Variants in H2AC16 observed in about 807,000 individuals in gnomAD.
H2AC16 encodes H2A clustered histone 16.
Under a neutral mutation model 6.6 loss-of-function variants are expected in H2AC16, and 11 were observed. The ratio of observed to expected loss-of-function variants is 1.67; its 90% CI spans 1.05 to 2.77. The LOEUF is 2.77. Among genes scored for constraint, H2AC16 ranks in the 30% most tolerant of loss-of-function variants. H2AC16 has a pLI of 0.00. For synonymous variants in H2AC16, 131 were observed against 80.8 expected, an observed-to-expected ratio of 1.62 and a Z score of -3.33; for missense variants, 212 against 177.1, an observed-to-expected ratio of 1.20 and a Z score of -1.12.
rs766042861 is a variant in H2AC16 at position 27,865,791 on chromosome 6, G to A, written c.*44G>A. On this transcript the variant is annotated 3_prime_UTR_variant, in exon 1 of 1. Transcript: ENST00000613174. ...TTCCAATACAACGGCTCTTTTCAGA[G>A]CCACCTACTATTTCTGCGGGAGAGC... is the stretch of plus-strand genomic sequence containing the variant. 12 of 1,595,408 alleles carry A rather than the reference G, an allele frequency of 7.5e-6. No individual in the cohort carries two copies. The highest frequency in any genetic ancestry group is 5.2e-5 in the Admixed American group (3 of 58,226).
In H2AC16 at chr6:27,865,362, G is replaced by C. The variant is rs1761473026; in HGVS notation, c.8G>C (p.Gly3Ala). 1.2e-6 allele frequency: 2 copies of C among 1,605,596 alleles called. No individual in the cohort carries two copies. The highest frequency in any genetic ancestry group is 1.7e-6 in the Non-Finnish European group (2 of 1,174,340). The change falls in exon 1 of 1, where the codon GGA (glycine) becomes GCA (alanine). Residue 3 changes from glycine to alanine, a missense_variant. Coordinates refer to ENST00000613174, the MANE Select transcript of H2AC16 (RefSeq NM_003511.3). The stretch of plus-strand genomic sequence containing the variant: ...ATTTATCGTTTCTTCGTCATGTCGG[G>C]ACGCGGCAAGCAGGGAGGCAAAGCT... MS[G>A]RGKQGGKARA... is the part of the protein sequence containing the mutation.
At position 27,865,710 on chromosome 6, in the gene H2AC16, A is replaced by G. The variant is rs1761487282; in HGVS notation, c.356A>G (p.Lys119Arg). ...LPNIQAVLLP[K>R]KTESHHKAKG... ...AACATCCAGGCTGTGCTACTGCCCA[A>G]GAAGACCGAGAGTCACCACAAGGCC... The change falls in exon 1 of 1, where the codon AAG becomes AGG. Residue 119 changes from lysine (K) to arginine (R), a missense_variant. Physicochemically the swap from Lys to Arg is conservative, Grantham distance 26. Transcript: ENST00000613174. 1 of 1,614,228 alleles carries G rather than the reference A, an allele frequency of 6.2e-7. No individual in the cohort carries two copies. Among genetic ancestry groups the G allele is most frequent in the Non-Finnish European group, 8.5e-7 (1 of 1,180,026 alleles).
Position 27,865,492 on chromosome 6 carries a change from C to G in H2AC16, c.138C>G (p.Ala46=), listed in dbSNP as rs561805457. ...RKGNYAERVG[A]GAPVYLAAVL... is the part of the protein sequence containing the mutation. Reference sequence around the variant, plus strand: ...GCAACTATGCTGAGCGGGTCGGGGCCGGCGCGCCGGTGTACCTGGCGGCGG... The same window carrying G: ...GCAACTATGCTGAGCGGGTCGGGGCGGGCGCGCCGGTGTACCTGGCGGCGG... The change falls in exon 1 of 1, where the codon GCC becomes GCG. Residue 46 remains alanine (A), a synonymous_variant. Coordinates refer to ENST00000613174, the MANE Select transcript of H2AC16 (RefSeq NM_003511.3). 5 of 1,613,866 alleles carry G rather than the reference C, an allele frequency of 3.1e-6. No homozygotes were observed. Among genetic ancestry groups the G allele is most frequent in the African/African-American group, 1.3e-5 (1 of 74,916 alleles).
chr6:27,865,617 T>C lies in H2AC16; in HGVS notation c.263T>C (p.Ile88Thr). Reference sequence around the variant, plus strand: ...ATCCCGCGCCACTTGCAGCTGGCCATCCGCAACGACGAGGAGCTCAACAAG... The same window carrying C: ...ATCCCGCGCCACTTGCAGCTGGCCACCCGCAACGACGAGGAGCTCAACAAG... ...RIIPRHLQLA[I>T]RNDEELNKLL... The change falls in exon 1 of 1, where the codon ATC (isoleucine) becomes ACC (threonine). Residue 88 changes from isoleucine (I) to threonine (T), a missense_variant. Ile to Thr is a moderately conservative substitution (Grantham distance 89). Transcript: ENST00000613174. 1 of 1,614,172 alleles carries C rather than the reference T, an allele frequency of 6.2e-7. No homozygotes were observed. The highest frequency in any genetic ancestry group is 8.5e-7 in the Non-Finnish European group (1 of 1,180,022).
rs1170432544 is a variant in H2AC16, at chr6:27,865,481, C to T, written c.127C>T (p.Arg43Trp). ...RLLRKGNYAE[R>W]VGAGAPVYLA... ...GCTCCGCAAGGGCAACTATGCTGAG[C>T]GGGTCGGGGCCGGCGCGCCGGTGTA... Residue 43 changes from arginine (R) to tryptophan (W), a missense_variant, in exon 1 of 1, where the codon CGG becomes TGG. Transcript: ENST00000613174. 2 of 1,613,858 alleles carry T rather than the reference C, an allele frequency of 1.2e-6. No homozygotes were observed. Among genetic ancestry groups the T allele is most frequent in the Non-Finnish European group, 1.7e-6 (2 of 1,179,928 alleles).
Position 27,865,390 on chromosome 6 carries a change from C to A in H2AC16, c.36C>A (p.Arg12=), listed in dbSNP as rs752919454. The change falls in exon 1 of 1, where the codon CGC becomes CGA. Residue 12 remains arginine, a synonymous_variant. Transcript: ENST00000613174. Reference sequence around the variant, plus strand: ...GCGGCAAGCAGGGAGGCAAAGCTCGCGCCAAAGCCAAGACCCGCTCTTCTC... The same window carrying A: ...GCGGCAAGCAGGGAGGCAAAGCTCGAGCCAAAGCCAAGACCCGCTCTTCTC... ...SGRGKQGGKA[R]AKAKTRSSRA... is the part of the protein sequence containing the mutation. 1.5e-5 allele frequency: 24 copies of A among 1,611,530 alleles called. No individual in the cohort carries two copies. In the Admixed American group the frequency reaches 4.0e-4, roughly 27 times the overall value.
In H2AC16 at chr6:27,865,774, C is replaced by CAT; in HGVS notation, c.*28_*29insTA. 1 of 1,606,462 alleles carries CAT rather than the reference C, an allele frequency of 6.2e-7. No individual in the cohort carries two copies. Among genetic ancestry groups the CAT allele is most frequent in the Non-Finnish European group, 8.5e-7 (1 of 1,174,264 alleles). On this transcript the variant is annotated 3_prime_UTR_variant, in exon 1 of 1. Transcript: ENST00000613174. Reference sequence around the variant, plus strand: ...GTCTCCATAGAATCACTTTCCAATACAACGGCTCTTTTCAGAGCCACCTAC... The same window carrying CAT: ...GTCTCCATAGAATCACTTTCCAATACATAACGGCTCTTTTCAGAGCCACCTAC...
Position 27,865,464 on chromosome 6 carries a change from A to T in H2AC16, c.110A>T (p.Lys37Met), listed in dbSNP as rs1761477688. The change falls in exon 1 of 1, where the codon AAG becomes ATG. Residue 37 changes from lysine (K) to methionine (M), a missense_variant. Transcript: ENST00000613174. ...PVGRVHRLLRKGNYAERVGAG... is the reference protein window; with the variant it reads ...PVGRVHRLLRMGNYAERVGAG... The stretch of plus-strand genomic sequence containing the variant: ...GGCCGAGTGCACCGACTGCTCCGCA[A>T]GGGCAACTATGCTGAGCGGGTCGGG... 1 of 1,614,072 alleles carries T rather than the reference A, an allele frequency of 6.2e-7. No individual in the cohort carries two copies. The highest frequency in any genetic ancestry group is 2.2e-5 in the East Asian group (1 of 44,874).
rs1216956061 is a variant in H2AC16 at position 27,865,606 on chromosome 6, G to A, written c.252G>A (p.Leu84=). The change falls in exon 1 of 1, where the codon TTG becomes TTA. Residue 84 remains leucine (L), a synonymous_variant. Transcript: ENST00000613174. ...NKKTRIIPRH[L]QLAIRNDEEL... ...AGACCCGCATTATCCCGCGCCACTT[G>A]CAGCTGGCCATCCGCAACGACGAGG... The A allele has an allele frequency of 1.1e-5, 17 of 1,614,114 alleles. No homozygotes were observed. Among genetic ancestry groups the A allele is most frequent in the Non-Finnish European group, 1.4e-5 (16 of 1,180,060 alleles).
In H2AC16 at chr6:27,865,343, C is replaced by CGTTT. The variant is rs756474190; in HGVS notation, c.-11_-8dup. On this transcript the variant is annotated 5_prime_UTR_variant, in exon 1 of 1. Transcript: ENST00000613174. ...GGCTGTTCTCAGTTCCTCCATTTATCGTTTCTTCGTCATGTCGGGACGCGG... is the reference window on the plus strand; with the variant it reads ...GGCTGTTCTCAGTTCCTCCATTTATCGTTTGTTTCTTCGTCATGTCGGGACGCGG... 4.4e-6 allele frequency: 7 copies of CGTTT among 1,596,648 alleles called. No individual in the cohort carries two copies. In the South Asian group the frequency reaches 7.8e-5, roughly 18 times the overall value.
At position 27,865,481 on chromosome 6, in the gene H2AC16, C is replaced by A; in HGVS notation, c.127C>A (p.Arg43=). The A allele has an allele frequency of 6.2e-7, 1 of 1,613,976 alleles. No individual in the cohort carries two copies. The highest frequency in any genetic ancestry group is 1.1e-5 in the South Asian group (1 of 91,072). Residue 43 remains arginine (R), a synonymous_variant, in exon 1 of 1, where the codon CGG becomes AGG. Transcript: ENST00000613174. The part of the protein sequence containing the change: ...RLLRKGNYAE[R]VGAGAPVYLA... The stretch of plus-strand genomic sequence containing the variant: ...GCTCCGCAAGGGCAACTATGCTGAG[C>A]GGGTCGGGGCCGGCGCGCCGGTGTA...
In H2AC16 at chr6:27,865,793, C is replaced by T. The variant is rs918363479; in HGVS notation, c.*46C>T. On this transcript the variant is annotated 3_prime_UTR_variant, in exon 1 of 1. Transcript: ENST00000613174. ...CCAATACAACGGCTCTTTTCAGAGC[C>T]ACCTACTATTTCTGCGGGAGAGCTG... 3 of 1,591,860 alleles carry T rather than the reference C, an allele frequency of 1.9e-6. No individual in the cohort carries two copies. The Admixed American group carries it at 5.2e-5, about 28-fold the overall frequency.
rs750894974 is a variant in H2AC16, at chr6:27,865,461, G to C, written c.107G>C (p.Arg36Pro). 1 of 1,614,048 alleles carries C rather than the reference G, an allele frequency of 6.2e-7. No individual in the cohort carries two copies. Among genetic ancestry groups the C allele is most frequent in the African/African-American group, 1.3e-5 (1 of 75,040 alleles). Reference sequence around the variant, plus strand: ...GTGGGCCGAGTGCACCGACTGCTCCGCAAGGGCAACTATGCTGAGCGGGTC... The same window carrying C: ...GTGGGCCGAGTGCACCGACTGCTCCCCAAGGGCAACTATGCTGAGCGGGTC... ...FPVGRVHRLL[R>P]KGNYAERVGA... Residue 36 changes from arginine (R) to proline (P), a missense_variant, in exon 1 of 1, where the codon CGC (arginine) becomes CCC (proline). Arg to Pro is a moderately radical substitution (Grantham distance 103, BLOSUM62 -2). Transcript: ENST00000613174.
At position 27,865,320 on chromosome 6, in the gene H2AC16, C is replaced by T. The variant is rs758815593; in HGVS notation, c.-35C>T. ...TGGAGCTCTGGTGAACTTCTCTCGG[C>T]TGTTCTCAGTTCCTCCATTTATCGT... On this transcript the variant is annotated 5_prime_UTR_variant, in exon 1 of 1. Transcript: ENST00000613174. 3.2e-6 allele frequency: 5 copies of T among 1,573,500 alleles called. No individual in the cohort carries two copies. The highest frequency in any genetic ancestry group is 1.2e-5 in the South Asian group (1 of 85,034).
At position 27,865,628 on chromosome 6, in the gene H2AC16, G is replaced by T; in HGVS notation, c.274G>T (p.Glu92Ter). The T allele has an allele frequency of 6.2e-7, 1 of 1,614,224 alleles. No individual in the cohort carries two copies. ...CTTGCAGCTGGCCATCCGCAACGAC[G>T]AGGAGCTCAACAAGCTGCTGGGCAA... Reference protein sequence around the residue: ...RHLQLAIRNDEELNKLLGKVT... With the variant: ...RHLQLAIRND Residue 92 changes from glutamate to a stop codon, truncating the protein, a stop_gained, in exon 1 of 1, where the codon GAG (glutamate) becomes TAG (stop). Transcript: ENST00000613174. LOFTEE classifies it high-confidence loss of function.
Position 27,865,753 on chromosome 6 carries a change from C to G in H2AC16, c.*6C>G. The G allele has an allele frequency of 6.2e-7, 1 of 1,612,208 alleles. No individual in the cohort carries two copies. Among genetic ancestry groups the G allele is most frequent in the Non-Finnish European group, 8.5e-7 (1 of 1,178,492 alleles). On this transcript the variant is annotated 3_prime_UTR_variant, in exon 1 of 1. Transcript: ENST00000613174. ...ACAAGGCCAAAGGCAAATAATGTCT[C>G]CATAGAATCACTTTCCAATACAACG...
In H2AC16 at chr6:27,865,412, TC is replaced by T. The variant is rs754451360; in HGVS notation, c.59del (p.Ser20PhefsTer40). 6 of 1,613,500 alleles carry T rather than the reference TC, an allele frequency of 3.7e-6. No individual in the cohort carries two copies. Among genetic ancestry groups the T allele is most frequent in the Non-Finnish European group, 4.2e-6 (5 of 1,179,684 alleles). ...TCGCGCCAAAGCCAAGACCCGCTCTTCTCGTGCCGGTCTCCAGTTCCCCGTG... is the reference window on the plus strand; with the variant it reads ...TCGCGCCAAAGCCAAGACCCGCTCTTTCGTGCCGGTCTCCAGTTCCCCGTG... The part of the protein sequence containing the change: ...KARAKAKTRS[S>X]RAGLQFPVGR... On this transcript the variant is annotated frameshift_variant, in exon 1 of 1. Transcript: ENST00000613174. LOFTEE classifies it high-confidence loss of function.
Position 27,865,348 on chromosome 6 carries a change from C to T in H2AC16, c.-7C>T, listed in dbSNP as rs554933127. ...TTCTCAGTTCCTCCATTTATCGTTT[C>T]TTCGTCATGTCGGGACGCGGCAAGC... On this transcript the variant is annotated 5_prime_UTR_variant, in exon 1 of 1. Transcript: ENST00000613174. The T allele has an allele frequency of 1.4e-5, 23 of 1,599,510 alleles. No homozygotes were observed. The highest frequency in any genetic ancestry group is 1.9e-5 in the Non-Finnish European group (22 of 1,170,968).
rs756461663 is a variant in H2AC16, at chr6:27,865,405, C to G, written c.51C>G (p.Thr17=). 1 of 1,613,398 alleles carries G rather than the reference C, an allele frequency of 6.2e-7. No individual in the cohort carries two copies. Residue 17 remains threonine (T), a synonymous_variant, in exon 1 of 1, where the codon ACC becomes ACG. Transcript: ENST00000613174. ...QGGKARAKAK[T]RSSRAGLQFP... is the part of the protein sequence containing the mutation. The stretch of plus-strand genomic sequence containing the variant: ...GCAAAGCTCGCGCCAAAGCCAAGAC[C>G]CGCTCTTCTCGTGCCGGTCTCCAGT...
Sources: allele counts gnomAD v4.1 joint callset, GRCh38; gene constraint gnomAD v4.1.1; transcripts MANE v1.5; gene names NCBI Gene and HGNC (gene_info 2026-07-23, HGNC 2026-07-21).